The following KRT76 variants were observed in gnomAD, a reference collection of about 807,000 sequenced individuals.
KRT76 encodes the protein keratin 76.
Under a neutral mutation model 44.9 loss-of-function variants are expected in KRT76, and 47 were observed. The ratio of observed to expected loss-of-function variants is 1.05; its 90% CI spans 0.83 to 1.33. KRT76 has a LOEUF of 1.33. KRT76 is among the 40% of genes most tolerant of loss of function. The pLI is 0.00. For synonymous variants in KRT76, 331 were observed against 294.1 expected (o/e 1.13, Z -1.28); for missense variants, 860 against 775.8 (o/e 1.11, Z -1.29).
chr12:52,775,611 A>C lies in KRT76; in HGVS notation c.601-9T>G. On this transcript the variant is annotated splice_polypyrimidine_tract_variant and intron_variant, in intron 1 of 8. Transcript: ENST00000332411. ...TGTTCCAGGAACCGCACCTGCATGA[A>C]AGAGGGGAGAAAAGGAGTCAGCCCC... The C allele has an allele frequency of 6.2e-7, 1 of 1,611,474 alleles. No homozygotes were observed. Among genetic ancestry groups the C allele is most frequent in the Non-Finnish European group, 8.5e-7 (1 of 1,178,830 alleles).
In KRT76 at chr12:52,768,653, G is replaced by A. The variant is rs970205027; in HGVS notation, c.*60C>T. ...CATCTATTGATGCCAAGCAGAGAGT[G>A]GGAAACACTATTGCAGGCTGAGTGG... is the stretch of plus-strand genomic sequence containing the variant. On this transcript the variant is annotated 3_prime_UTR_variant, in exon 9 of 9. Coordinates refer to ENST00000332411, the MANE Select transcript of KRT76 (RefSeq NM_015848.4). 1 of 1,530,534 alleles carries A rather than the reference G, an allele frequency of 6.5e-7. No homozygotes were observed. Among genetic ancestry groups the A allele is most frequent in the African/African-American group, 1.4e-5 (1 of 73,166 alleles). 94.8% of individuals were successfully genotyped at this position (1,530,534 alleles called of 1,614,324 possible). A position where few individuals can be genotyped will look rare whatever the true frequency, so the allele number is the denominator to read the frequency against.
chr12:52,773,018 A>G (rs1939209871), intron 3 of KRT76, 140 bp from the exon 4 acceptor site: 1 of 613,398 alleles, frequency 1.6e-6, no homozygotes. Flanking sequence ...CCCTTTTAAA[A>G]TAAGGAAGAT....
rs756849636 is a variant in KRT76, at chr12:52,771,591, G to C, written c.1263+280C>G. On this transcript the variant is annotated intron_variant, in intron 6 of 8. Transcript: ENST00000332411. ...AGGTGTGAGAAACAGCTTCACTAAG[G>C]GCAGATCCTGCTGACATCTGAGTGT... Among the ~76,000 whole-genome samples the C allele has an allele frequency of 4.8e-4, 73 of 152,302 alleles. 2 individuals are homozygous for C. The highest frequency in any genetic ancestry group is 8.3e-4 in the South Asian group (4 of 4,820).
intron 1 of KRT76, among the ~76,000 whole-genome samples, chr12:52,776,121 C>G (rs930692580): frequency 2.6e-5 from 4 of 152,196 alleles, no homozygotes; most frequent in African/African-American, 9.7e-5. Context: ...GACCTCCTTT[C>G]AGTTATTCAG....
At chr12:52,776,463 C>T (rs1565673509) in intron 1 of KRT76, among the ~76,000 whole-genome samples, 1 of 152,216 alleles carries the variant, frequency 6.6e-6, no homozygotes, top group Non-Finnish European at 1.5e-5. Context: ...ACCCTCATCT[C>T]ATTCTTAGCA....
rs1939266311 is a variant in KRT76, at chr12:52,776,757, C to T, written c.535G>A (p.Val179Ile). 1 of 1,614,082 alleles carries T rather than the reference C, an allele frequency of 6.2e-7. No homozygotes were observed. Among genetic ancestry groups the T allele is most frequent in the Non-Finnish European group, 8.5e-7 (1 of 1,180,016 alleles). ...ATCTGTTCCCGCTCCTGGGCCTTTACTTGCCCAATCTGGGGGTCGATCTCC... is the reference window on the plus strand; with the variant it reads ...ATCTGTTCCCGCTCCTGGGCCTTTATTTGCCCAATCTGGGGGTCGATCTCC... ...NVEIDPQIGQ[V>I]KAQEREQIKT... Residue 179 changes from valine (V) to isoleucine (I), a missense_variant, in exon 1 of 9, where the codon GTA becomes ATA. Val to Ile is a conservative substitution (Grantham distance 29, BLOSUM62 3). Coordinates refer to ENST00000332411, the MANE Select transcript of KRT76 (RefSeq NM_015848.4).
Position 52,769,687 on chromosome 12 carries a change from G to C in KRT76, c.1485-104C>G, listed in dbSNP as rs1277289007. On this transcript the variant is annotated intron_variant, in intron 7 of 8. Transcript: ENST00000332411. ...CCACGCCCTCCCATTTGCCCCACTA[G>C]GGGTCAAGCTCCTGCAAGAAGAAAG... is the stretch of plus-strand genomic sequence containing the variant. 5 of 918,186 alleles carry C rather than the reference G, an allele frequency of 5.4e-6. No homozygotes were observed. In the East Asian group the frequency reaches 1.2e-4, roughly 22 times the overall value. The allele number at this position is 918,186 out of a possible 1,614,324, so 56.9% of individuals were successfully genotyped here.
Position 52,772,080 on chromosome 12 carries a change from G to A in KRT76, c.1137+14C>T, listed in dbSNP as rs771746097. The A allele has an allele frequency of 6.2e-7, 1 of 1,607,090 alleles. No homozygotes were observed. The highest frequency in any genetic ancestry group is 1.1e-5 in the South Asian group (1 of 89,762). On this transcript the variant is annotated intron_variant, in intron 5 of 8. Coordinates refer to ENST00000332411, the MANE Select transcript of KRT76 (RefSeq NM_015848.4). Reference sequence around the variant, plus strand: ...AAGGTCATCAGGATCCAAGGACACAGGGAGGGTTCCCACCTTGGTCTGGTA... The same window carrying A: ...AAGGTCATCAGGATCCAAGGACACAAGGAGGGTTCCCACCTTGGTCTGGTA...
In KRT76 at chr12:52,768,961, T is replaced by A; in HGVS notation, c.1669A>T (p.Ser557Cys). 1.5e-6 allele frequency: 2 copies of A among 1,292,338 alleles called. No individual in the cohort carries two copies. The highest frequency in any genetic ancestry group is 2.2e-6 in the Non-Finnish European group (2 of 904,406). The allele number at this position is 1,292,338 out of a possible 1,614,324, so 80.1% of individuals were successfully genotyped here. A position where few individuals can be genotyped will look rare whatever the true frequency, so the allele number is the denominator to read the frequency against. Reference sequence around the variant, plus strand: ...CCACTGCTGACCCCTCCATAGCCACTGCCGCTGCCGCCACTGACTCCATAG... The same window carrying A: ...CCACTGCTGACCCCTCCATAGCCACAGCCGCTGCCGCCACTGACTCCATAG... ...SGYGVSGGSG[S>C]GYGGVSSGST... is the part of the protein sequence containing the mutation. The change falls in exon 9 of 9, where the codon AGT becomes TGT. Residue 557 changes from serine to cysteine, a missense_variant. Coordinates refer to ENST00000332411, the MANE Select transcript of KRT76 (RefSeq NM_015848.4).
At chr12:52,775,710 A>G (rs147236728) in intron 1 of KRT76, 108 bp from the exon 2 acceptor site, 45 of 809,398 alleles carry the variant, frequency 5.6e-5, no homozygotes, top group Middle Eastern at 3.8e-4. Flanking sequence ...TCAATCTACA[A>G]TTTCCCCTGT....
In KRT76 at chr12:52,776,658, A is replaced by G. The variant is rs762244003; in HGVS notation, c.600+34T>C. The G allele has an allele frequency of 1.1e-5, 17 of 1,613,296 alleles. No individual in the cohort carries two copies. The South Asian group carries it at 1.6e-4, about 16-fold the overall frequency. ...TCTACACCGACCCCTGGGCACCCCAAACCCTCCACAGCACCTCTTGGCCTT... is the reference window on the plus strand; with the variant it reads ...TCTACACCGACCCCTGGGCACCCCAGACCCTCCACAGCACCTCTTGGCCTT... On this transcript the variant is annotated intron_variant, in intron 1 of 8. Coordinates refer to ENST00000332411, the MANE Select transcript of KRT76 (RefSeq NM_015848.4).
rs1469918964 is a variant in KRT76 at position 52,768,549 on chromosome 12, G to A, written c.*164C>T. On this transcript the variant is annotated 3_prime_UTR_variant, in exon 9 of 9. Coordinates refer to ENST00000332411, the MANE Select transcript of KRT76 (RefSeq NM_015848.4). Reference sequence around the variant, plus strand: ...AGCAGCAGGACCTCCATGGCCCTGGGAAGGTCATGGGGATGGAGAAACCAG... The same window carrying A: ...AGCAGCAGGACCTCCATGGCCCTGGAAAGGTCATGGGGATGGAGAAACCAG... 4 of 765,848 alleles carry A rather than the reference G, an allele frequency of 5.2e-6. No homozygotes were observed. Among genetic ancestry groups the A allele is most frequent in the Non-Finnish European group, 6.3e-6 (3 of 474,088 alleles). The allele number at this position is 765,848 out of a possible 1,614,324, so 47.4% of individuals were successfully genotyped here.
chr12:52,768,487 T>G lies in KRT76; in HGVS notation c.*226A>C. The G allele has an allele frequency of 2.0e-6, 1 of 509,354 alleles. No homozygotes were observed. The highest frequency in any genetic ancestry group is 3.4e-6 in the Non-Finnish European group (1 of 291,002). The allele number at this position is 509,354 out of a possible 1,614,324, so 31.6% of individuals were successfully genotyped here. ...GTTGCTGTCCAAAGTAAGGGGCCATTGCAGGAAGGTTTCCAGGGGCATCAT... is the reference window on the plus strand; with the variant it reads ...GTTGCTGTCCAAAGTAAGGGGCCATGGCAGGAAGGTTTCCAGGGGCATCAT... On this transcript the variant is annotated 3_prime_UTR_variant, in exon 9 of 9. Transcript: ENST00000332411.
At chr12:52,770,231 A>G (rs1939158463) in intron 7 of KRT76, among the ~76,000 whole-genome samples, 1 of 152,094 alleles carries the variant, frequency 6.6e-6, no homozygotes, top group African/African-American at 2.4e-5. Flanking sequence ...CTCCTAGTAC[A>G]CTTGACATCA....
At chr12:52,775,677 C>G in intron 1 of KRT76, 75 bp from the exon 2 acceptor site, 1 of 1,183,672 alleles carries the variant, frequency 8.4e-7, no homozygotes, top group Non-Finnish European at 1.2e-6. Context: ...AAATGTAGAA[C>G]TGTGGAGAAG....
At chr12:52,770,916 C>A (rs1939168971) in intron 7 of KRT76, 83 bp downstream of exon 7, 2 of 1,568,960 alleles carry the variant, frequency 1.3e-6, no homozygotes, top group African/African-American at 1.4e-5. Flanking sequence ...GTGTTCCTCT[C>A]CTTATCATCT....
chr12:52,769,532 T>G lies in KRT76; in HGVS notation c.1519+17A>C. 6.2e-7 allele frequency: 1 copy of G among 1,612,074 alleles called. No individual in the cohort carries two copies. The highest frequency in any genetic ancestry group is 8.5e-7 in the Non-Finnish European group (1 of 1,178,132). On this transcript the variant is annotated intron_variant, in intron 8 of 8. Coordinates refer to ENST00000332411, the MANE Select transcript of KRT76 (RefSeq NM_015848.4). ...TTTTACAACCCAGGGAGAGGGTTTT[T>G]TGAATGGGCTACTTACAAATGCACA... is the stretch of plus-strand genomic sequence containing the variant.
chr12:52,777,182 C>G lies in KRT76; in HGVS notation c.110G>C (p.Gly37Ala), dbSNP rs775280526. The change falls in exon 1 of 9, where the codon GGG (glycine) becomes GCG (alanine). Residue 37 changes from glycine (G) to alanine (A), a missense_variant. Coordinates refer to ENST00000332411, the MANE Select transcript of KRT76 (RefSeq NM_015848.4). The stretch of plus-strand genomic sequence containing the variant: ...GCCACAGGCCCCTCCACCAGCTCCC[C>G]CAGAGCGGGCCACACAGCTCATCCT... ...SSRMSCVARS[G>A]GAGGGACGFR... 2.0e-5 allele frequency: 32 copies of G among 1,614,232 alleles called. No individual in the cohort carries two copies. Among genetic ancestry groups the G allele is most frequent in the Non-Finnish European group, 2.6e-5 (31 of 1,180,046 alleles).
rs2121191020 is a variant in KRT76 at position 52,772,271 on chromosome 12, T to C, written c.973-13A>G. 1 of 1,584,718 alleles carries C rather than the reference T, an allele frequency of 6.3e-7. No individual in the cohort carries two copies. ...TCTGGGACAGCTCCTGCAGGAAACA[T>C]GGATAGTTACTCTTACCATCGCCTG... is the stretch of plus-strand genomic sequence containing the variant. On this transcript the variant is annotated splice_polypyrimidine_tract_variant and intron_variant, in intron 4 of 8. Transcript: ENST00000332411.
Sources: gnomAD v4.1 joint callset for allele counts (sites outside exome capture counted in the v4.1 genomes callset) on GRCh38, gnomAD v4.1.1 for gene constraint, MANE v1.5 for transcripts, NCBI Gene and HGNC (gene_info 2026-07-23, HGNC 2026-07-21) for gene names.